The following ANO2 variants were observed in gnomAD, a reference collection of about 807,000 sequenced individuals.
The protein encoded by ANO2 is anoctamin-2.
Under a neutral mutation model 124.2 loss-of-function variants are expected in ANO2, and 101 were observed. The observed-to-expected ratio is 0.81, with a 90% confidence interval of 0.69 to 0.96. The LOEUF (loss-of-function observed/expected upper bound fraction) is 0.96, where lower values mean the gene tolerates loss of function less well. Among genes scored for constraint, ANO2 ranks in the 40% least tolerant of loss-of-function variants. ANO2 has a pLI of 0.00. For synonymous variants in ANO2, 486 were observed against 482.5 expected, an observed-to-expected ratio of 1.01 and a Z score of -0.09; for missense variants, 1,293 against 1,274.5, an observed-to-expected ratio of 1.01 and a Z score of -0.22.
At chr12:5,730,145 A>T (rs985849582) in intron 14 of ANO2, among the ~76,000 whole-genome samples, 2 of 152,212 alleles carry the variant, frequency 1.3e-5, no homozygotes, top group African/African-American at 4.8e-5. Context: ...TGCATATTGA[A>T]TTGTGCATAT....
intron 3 of ANO2, among the ~76,000 whole-genome samples, chr12:5,898,996 GA>G (rs1355410777): frequency 2.0e-5 from 3 of 152,124 alleles, no homozygotes; most frequent in Non-Finnish European, 4.4e-5. Context: ...GTTTCTCAAG[GA>G]AAAAAGTTGA....
At chr12:5,933,176 T>C (rs1441714369) in intron 1 of ANO2, among the ~76,000 whole-genome samples, 1 of 152,200 alleles carries the variant, frequency 6.6e-6, no homozygotes, top group African/African-American at 2.4e-5. Flanking sequence ...CTTTACCATC[T>C]TTCTTGTCAA....
intron 24 of ANO2, among the ~76,000 whole-genome samples, chr12:5,563,926 C>T (rs1488621431): frequency 6.6e-6 from 1 of 152,216 alleles, no homozygotes; most frequent in African/African-American, 2.4e-5. Flanking sequence ...GCTTCTTGGC[C>T]TCTAAGCCTC....
chr12:5,854,127 T>A lies in ANO2; in HGVS notation c.549A>T (p.Gly183=), dbSNP rs777486632. The change falls in exon 4 of 25, where the codon GGA becomes GGT. Residue 183 remains glycine (G), a synonymous_variant. Transcript: ENST00000682330. ...GGGCGTGTATCCGGACAAAGATGGATCCCTGGCTTTTATTCTGCAAGGTAC... is the reference window on the plus strand; with the variant it reads ...GGGCGTGTATCCGGACAAAGATGGAACCCTGGCTTTTATTCTGCAAGGTAC... ...LEKDLENKSQ[G]SIFVRIHAPW... 18 of 1,612,608 alleles carry A rather than the reference T, an allele frequency of 1.1e-5. No homozygotes were observed. The highest frequency in any genetic ancestry group is 1.6e-4 in the Middle Eastern group (1 of 6,076).
intron 14 of ANO2, among the ~76,000 whole-genome samples, chr12:5,694,251 C>CAGCGAGAGAGAGAGAGAG (rs1949066802): frequency 7.5e-6 from 1 of 133,882 alleles, no homozygotes; most frequent in Admixed American, 7.7e-5. Context: ...TTACCAGAGA[C>CAGCGAGAGAGAGAGAGAG]AGAGAGAGAG....
At chr12:5,945,728 C>T (rs1943074926), upstream of ANO2, among the ~76,000 whole-genome samples, 1 of 152,258 alleles carries the variant, frequency 6.6e-6, no homozygotes, top group South Asian at 2.1e-4. Context: ...GGATCTCCCA[C>T]ACCTGTCTCC....
chr12:5,813,669 C>T (rs1221140530), intron 7 of ANO2, among the ~76,000 whole-genome samples: 1 of 152,190 alleles, frequency 6.6e-6, no homozygotes, highest in Admixed American at 6.5e-5. Flanking sequence ...CTCCTCTCAA[C>T]CTCTCTGAGG....
chr12:5,737,087 T>A (rs561281053), intron 13 of ANO2, among the ~76,000 whole-genome samples: 2 of 152,354 alleles, frequency 1.3e-5, no homozygotes, highest in East Asian at 1.9e-4. Flanking sequence ...ATGTAATAGA[T>A]GCTTAATGGC....
chr12:5,846,097 A>C (rs978530719), intron 4 of ANO2, among the ~76,000 whole-genome samples: 1 of 152,240 alleles, frequency 6.6e-6, no homozygotes, highest in Non-Finnish European at 1.5e-5. Context: ...AGATGCTAAT[A>C]TCCTTCTTTG....
chr12:5,661,256 C>T (rs780613950), intron 14 of ANO2, among the ~76,000 whole-genome samples: 7 of 152,178 alleles, frequency 4.6e-5, no homozygotes, highest in Non-Finnish European at 7.4e-5. Context: ...TCCAGGCCTG[C>T]AGCTTAATTT....
rs570660300 is a variant in ANO2 at position 5,636,649 on chromosome 12, C to T, written c.1621-1302G>A. 1.8e-4 allele frequency among the ~76,000 whole-genome samples: 27 copies of T among 148,196 alleles called. No homozygotes were observed. In the South Asian group the frequency reaches 5.0e-3, roughly 28 times the overall value. ...ACACACACACACACACACACACACA[C>T]GCATGCACAGGGAGGGAGGCAGGAA... On this transcript the variant is annotated intron_variant, in intron 15 of 24. Coordinates refer to ENST00000682330, the MANE Select transcript of ANO2 (RefSeq NM_001364791.2). This position sits in a 1 kb window ranked among gnomAD's most constrained non-coding sequence, Gnocchi z 4.6.
chr12:5,741,443 T>C (rs928401650), intron 12 of ANO2, among the ~76,000 whole-genome samples: 6 of 152,180 alleles, frequency 3.9e-5, no homozygotes, highest in African/African-American at 1.4e-4. Flanking sequence ...CTCCTAACAC[T>C]GGCTTTGGTC....
At chr12:5,943,998 A>G (rs1417885535) in intron 1 of ANO2, among the ~76,000 whole-genome samples, 5 of 152,106 alleles carry the variant, frequency 3.3e-5, no homozygotes, top group Non-Finnish European at 7.3e-5. Context: ...CAGTCTCTAC[A>G]GTCAACCAGC....
chr12:5,684,726 A>G (rs1168741956), intron 14 of ANO2, among the ~76,000 whole-genome samples: 1 of 152,064 alleles, frequency 6.6e-6, no homozygotes, highest in Non-Finnish European at 1.5e-5. Flanking sequence ...CCTCTTTCCT[A>G]TGTGCTATAT....
chr12:5,579,023 G>A (rs538734368), intron 20 of ANO2, among the ~76,000 whole-genome samples: 14 of 152,330 alleles, frequency 9.2e-5, no homozygotes, highest in African/African-American at 2.9e-4. Context: ...AAGTGACTAG[G>A]TTTGGCCCAC....
At chr12:5,923,172 A>ACC (rs1555184618) in intron 1 of ANO2, among the ~76,000 whole-genome samples, 2 of 40,774 alleles carry the variant, frequency 4.9e-5, no homozygotes, top group South Asian at 1.1e-3. Context: ...ATACACACAC[A>ACC]CGCACACACA....
intron 10 of ANO2, among the ~76,000 whole-genome samples, chr12:5,764,843 T>C (rs1441582383): frequency 6.6e-6 from 1 of 152,242 alleles, no homozygotes; most frequent in Non-Finnish European, 1.5e-5. Context: ...TCCCTTTGCC[T>C]CTTAGGCCTG....
At chr12:5,942,951 G>C (rs1291291731) in intron 1 of ANO2, among the ~76,000 whole-genome samples, 1 of 152,098 alleles carries the variant, frequency 6.6e-6, no homozygotes, top group African/African-American at 2.4e-5. Flanking sequence ...TAACTAAGAA[G>C]TCAAAAATTT....
At chr12:5,922,473 G>A (rs1402322267) in intron 2 of ANO2, 147 bp downstream of exon 2, 14 of 887,116 alleles carry the variant, frequency 1.6e-5, no homozygotes, top group Non-Finnish European at 1.9e-5. Flanking sequence ...TGGAGACAGA[G>A]AAGAGAAAAG....
Sources: allele counts gnomAD v4.1 joint callset (sites outside exome capture counted in the v4.1 genomes callset), GRCh38; gene constraint gnomAD v4.1.1; non-coding constraint Gnocchi (gnomAD v3.1); transcripts MANE v1.5; gene names NCBI Gene and HGNC (gene_info 2026-07-23, HGNC 2026-07-21).